The following SUFU variants were observed in gnomAD, a reference collection of about 807,000 sequenced individuals.
SUFU encodes SUFU negative regulator of hedgehog signaling.
Under a neutral mutation model 58.9 loss-of-function variants are expected in SUFU, and 7 were observed. That is an observed-to-expected ratio of 0.12 (90% CI 0.07 to 0.22). The LOEUF is 0.22. Ranked by LOEUF, SUFU falls within the 10% of genes least tolerant of loss-of-function variation. The pLI is 1.00. For synonymous variants in SUFU, 232 were observed against 254.8 expected (o/e 0.91, Z 0.85); for missense variants, 451 against 641.3 (o/e 0.70, Z 3.20).
intron 2 of SUFU, among the ~76,000 whole-genome samples, chr10:102,510,138 A>C (rs1383414658): frequency 6.7e-6 from 1 of 148,842 alleles, no homozygotes; most frequent in Non-Finnish European, 1.5e-5. Context: ...ACTGTGCCCA[A>C]CTCAGAGTTC....
chr10:102,544,266 A>G (rs2062832340), intron 2 of SUFU, among the ~76,000 whole-genome samples: 1 of 152,266 alleles, frequency 6.6e-6, no homozygotes, highest in African/African-American at 2.4e-5. Flanking sequence ...AAACGATATG[A>G]CATCAGGTAT....
intron 3 of SUFU, among the ~76,000 whole-genome samples, chr10:102,573,510 G>A (rs2063183516): frequency 6.6e-6 from 1 of 152,186 alleles, no homozygotes; most frequent in Admixed American, 6.5e-5. Context: ...ATTGAAAGCA[G>A]GGACTTGAAC....
At chr10:102,545,702 A>T (rs2062848349) in intron 2 of SUFU, among the ~76,000 whole-genome samples, 1 of 152,200 alleles carries the variant, frequency 6.6e-6, no homozygotes, top group Non-Finnish European at 1.5e-5. Flanking sequence ...GGCTGGGCAC[A>T]GTGGCTCACG....
Position 102,619,018 on chromosome 10 carries a change from G to A in SUFU, c.1296+1590G>A, listed in dbSNP as rs2063716608. ...GTTTTCCTGGGACAGTCGGGACTGGGGCCTCCCCAAACTGCAGAATCTACC... is the reference window on the plus strand; with the variant it reads ...GTTTTCCTGGGACAGTCGGGACTGGAGCCTCCCCAAACTGCAGAATCTACC... On this transcript the variant is annotated intron_variant, in intron 10 of 11. Transcript: ENST00000369902. This position sits in a 1 kb window ranked among gnomAD's most constrained non-coding sequence, Gnocchi z 4.2. The A allele has an allele frequency of 6.2e-7, 1 of 1,607,002 alleles. No homozygotes were observed. The highest frequency in any genetic ancestry group is 8.5e-7 in the Non-Finnish European group (1 of 1,176,310).
At chr10:102,520,394 A>G (rs559765410) in intron 2 of SUFU, among the ~76,000 whole-genome samples, 6 of 150,266 alleles carry the variant, frequency 4.0e-5, no homozygotes, top group African/African-American at 1.5e-4. Context: ...ATTTTTTTGT[A>G]TGTTTAGTAG....
chr10:102,580,258 T>C (rs1252382969), intron 3 of SUFU, among the ~76,000 whole-genome samples: 1 of 152,222 alleles, frequency 6.6e-6, no homozygotes, highest in Non-Finnish European at 1.5e-5. Context: ...TTGTAGCTTC[T>C]GAGCTGGGGA....
chr10:102,528,816 G>T lies in SUFU; in HGVS notation c.317+19513G>T, dbSNP rs1589995077. Among the ~76,000 whole-genome samples, 3 of 152,276 alleles carry T rather than the reference G, an allele frequency of 2.0e-5. No individual in the cohort carries two copies. The East Asian group carries it at 5.8e-4, about 29-fold the overall frequency. On this transcript the variant is annotated intron_variant, in intron 2 of 11. Transcript: ENST00000369902. ...CTTGAGTGGGGCAAATGCATTCCATGAATCTGGTTGGTTGGGGTATAGCGC... is the reference window on the plus strand; with the variant it reads ...CTTGAGTGGGGCAAATGCATTCCATTAATCTGGTTGGTTGGGGTATAGCGC...
intron 2 of SUFU, among the ~76,000 whole-genome samples, chr10:102,546,750 A>G (rs750391889): frequency 2.0e-5 from 3 of 152,180 alleles, no homozygotes; most frequent in Non-Finnish European, 2.9e-5. Flanking sequence ...GGCCATTCCA[A>G]ACTCATGTTT....
rs1388402447 is a variant in SUFU at position 102,633,238 on chromosome 10, G to A, written c.*3083G>A. 4.3e-6 allele frequency: 1 copy of A among 233,138 alleles called. No individual in the cohort carries two copies. Among genetic ancestry groups the A allele is most frequent in the African/African-American group, 2.2e-5 (1 of 45,304 alleles). The allele number at this position is 233,138 out of a possible 1,614,324, so 14.4% of individuals were successfully genotyped here. A position where few individuals can be genotyped will look rare whatever the true frequency, so the allele number is the denominator to read the frequency against. On this transcript the variant is annotated 3_prime_UTR_variant, in exon 12 of 12. Coordinates refer to ENST00000369902, the MANE Select transcript of SUFU (RefSeq NM_016169.4). ...CCTGTTACAAGTCAGGAGCCCTGTA[G>A]GGAGACCCCTCCTTTTGTACAAGTA...
At chr10:102,592,110 C>T (rs572486416) in intron 3 of SUFU, among the ~76,000 whole-genome samples, 6 of 152,314 alleles carry the variant, frequency 3.9e-5, no homozygotes, top group African/African-American at 1.4e-4. Flanking sequence ...TTCGATGTTT[C>T]CTTCTGAGTG....
intron 3 of SUFU, among the ~76,000 whole-genome samples, chr10:102,564,127 G>A (rs758065766): frequency 6.6e-6 from 1 of 152,230 alleles, no homozygotes; most frequent in Non-Finnish European, 1.5e-5. Context: ...CTGCCCTGCA[G>A]GTGAGTAAAG....
chr10:102,600,831 C>G (rs912201044), intron 8 of SUFU, among the ~76,000 whole-genome samples: 2 of 152,196 alleles, frequency 1.3e-5, no homozygotes, highest in Non-Finnish European at 2.9e-5. Flanking sequence ...CCTGGAGAAG[C>G]CTCCACCGCC....
chr10:102,582,364 A>G (rs115712726), intron 3 of SUFU, among the ~76,000 whole-genome samples: 15 of 152,336 alleles, frequency 9.8e-5, no homozygotes, highest in African/African-American at 3.4e-4. Flanking sequence ...ATTTGCTTCT[A>G]TGTTTCAAAG....
rs746580970 is a variant in SUFU, at chr10:102,615,349, C to T, written c.1104C>T (p.Ser368=). The T allele has an allele frequency of 4.3e-6, 7 of 1,614,010 alleles. No homozygotes were observed. The highest frequency in any genetic ancestry group is 1.6e-4 in the Middle Eastern group (1 of 6,084). Residue 368 remains serine, a synonymous_variant, in exon 9 of 12, where the codon AGC becomes AGT. Coordinates refer to ENST00000369902, the MANE Select transcript of SUFU (RefSeq NM_016169.4). ...HELIRTRQLE[S]VHLKFNQESG... Reference sequence around the variant, plus strand: ...TGATTCGCACGCGGCAGCTTGAGAGCGTACATCTGAAATTCAACCAGGAGT... The same window carrying T: ...TGATTCGCACGCGGCAGCTTGAGAGTGTACATCTGAAATTCAACCAGGAGT...
At chr10:102,575,133 G>A (rs539644092) in intron 3 of SUFU, among the ~76,000 whole-genome samples, 1 of 152,094 alleles carries the variant, frequency 6.6e-6, no homozygotes, top group Admixed American at 6.5e-5. Flanking sequence ...AGGATTGCTT[G>A]AGCCTAGGAG....
At chr10:102,535,654 T>C (rs2062729874) in intron 2 of SUFU, among the ~76,000 whole-genome samples, 1 of 152,156 alleles carries the variant, frequency 6.6e-6, no homozygotes. Flanking sequence ...ATACCATCAC[T>C]GGGCTTGAGA....
chr10:102,601,032 T>C lies in SUFU; in HGVS notation c.1022+1488T>C, dbSNP rs552104837. Among the ~76,000 whole-genome samples the C allele has an allele frequency of 2.0e-5, 3 of 152,340 alleles. No individual in the cohort carries two copies. In the East Asian group the frequency reaches 5.8e-4, roughly 29 times the overall value. On this transcript the variant is annotated intron_variant, in intron 8 of 11. Transcript: ENST00000369902. Reference sequence around the variant, plus strand: ...CTACACTCCTTCCCATTCCCTGAGCTTGGCTTCTCGCTTTGGGCCTCCTTG... The same window carrying C: ...CTACACTCCTTCCCATTCCCTGAGCCTGGCTTCTCGCTTTGGGCCTCCTTG...
chr10:102,525,092 C>CTTTAT (rs565320171), intron 2 of SUFU, among the ~76,000 whole-genome samples: 43 of 152,152 alleles, frequency 2.8e-4, no homozygotes, highest in Middle Eastern at 6.8e-3. Flanking sequence ...CTGAACCTTG[C>CTTTAT]TTTATTTTAT....
At chr10:102,623,045 T>G (rs961090042) in intron 10 of SUFU, among the ~76,000 whole-genome samples, 4 of 149,660 alleles carry the variant, frequency 2.7e-5, no homozygotes, top group Non-Finnish European at 5.9e-5. Flanking sequence ...CCCCAGAGTA[T>G]TCTGATTCAG....
Sources: gnomAD v4.1 joint callset for allele counts (sites outside exome capture counted in the v4.1 genomes callset) on GRCh38, gnomAD v4.1.1 for gene constraint, Gnocchi (gnomAD v3.1) non-coding constraint, MANE v1.5 for transcripts, NCBI Gene and HGNC (gene_info 2026-07-23, HGNC 2026-07-21) for gene names.